The following CA10 variants were observed in gnomAD, a reference collection of about 807,000 sequenced individuals.
The protein encoded by CA10 is carbonic anhydrase-related protein 10.
In CA10, 14 loss-of-function variants were observed where a neutral mutation model predicts 44.2. That is an observed-to-expected ratio of 0.32 (90% CI 0.21 to 0.50). The LOEUF (loss-of-function observed/expected upper bound fraction) is 0.50, where lower values mean the gene tolerates loss of function less well. Ranked by LOEUF, CA10 falls within the 20% of genes least tolerant of loss-of-function variation. The pLI, the probability that CA10 is intolerant of heterozygous loss-of-function variation, is 0.99. For synonymous variants in CA10, 159 were observed against 141.6 expected (o/e 1.12, Z -0.87); for missense variants, 350 against 409.7 (o/e 0.85, Z 1.26).
chr17:51,874,388 T>TAAAAAAAA (rs780808287), intron 3 of CA10, among the ~76,000 whole-genome samples: 1 of 127,458 alleles, frequency 7.8e-6, no homozygotes, highest in Non-Finnish European at 1.7e-5. Context: ...GAGTAATTAT[T>TAAAAAAAA]AAAAAAAAAA....
chr17:51,630,699 C>T lies in CA10; in HGVS notation c.*885G>A, dbSNP rs1242882493. 3.3e-5 allele frequency: 5 copies of T among 152,648 alleles called. No homozygotes were observed. Among genetic ancestry groups the T allele is most frequent in the African/African-American group, 1.2e-4 (5 of 41,558 alleles). The allele number at this position is 152,648 out of a possible 1,614,324, so 9.5% of individuals were successfully genotyped here. A position where few individuals can be genotyped will look rare whatever the true frequency, so the allele number is the denominator to read the frequency against. ...ATGTAGATGAAGGAACAAGTGAAAT[C>T]AAAGAATGCAGTTGCATGGAGCCAG... On this transcript the variant is annotated 3_prime_UTR_variant, in exon 9 of 9. Coordinates refer to ENST00000451037, the MANE Select transcript of CA10 (RefSeq NM_020178.5).
chr17:52,067,634 G>A (rs974925055), intron 2 of CA10, among the ~76,000 whole-genome samples: 1 of 152,208 alleles, frequency 6.6e-6, no homozygotes, highest in African/African-American at 2.4e-5. Flanking sequence ...GCAAAGCTGT[G>A]GACACTCAAT....
At chr17:51,683,007 C>G (rs1040121691) in intron 4 of CA10, among the ~76,000 whole-genome samples, 2 of 152,214 alleles carry the variant, frequency 1.3e-5, no homozygotes, top group African/African-American at 2.4e-5. Context: ...ATCCTACTGT[C>G]TGGGGAAACA....
intron 1 of CA10, among the ~76,000 whole-genome samples, chr17:52,075,767 T>A (rs1021245388): frequency 1.3e-5 from 2 of 152,150 alleles, no homozygotes; most frequent in African/African-American, 4.8e-5. Flanking sequence ...GTGCTATTTA[T>A]AGTACTTACA....
At chr17:51,979,093 G>C (rs144077736) in intron 2 of CA10, among the ~76,000 whole-genome samples, 68 of 152,050 alleles carry the variant, frequency 4.5e-4, no homozygotes, top group African/African-American at 1.5e-3. Flanking sequence ...CCTTCTCTAG[G>C]ACCTATGAGT....
intron 5 of CA10, among the ~76,000 whole-genome samples, chr17:51,653,324 A>G (rs781710511): frequency 6.6e-6 from 1 of 152,166 alleles, no homozygotes; most frequent in East Asian, 1.9e-4. Context: ...CCCTTCTAGT[A>G]TTATATCCTT....
intron 3 of CA10, among the ~76,000 whole-genome samples, chr17:51,767,009 G>A (rs2143648654): frequency 6.6e-6 from 1 of 152,284 alleles, no homozygotes; most frequent in South Asian, 2.1e-4. Flanking sequence ...GAGATCAGTT[G>A]CTATTTAAAA....
chr17:51,820,406 C>T (rs377138990), intron 3 of CA10, among the ~76,000 whole-genome samples: 14 of 6,512 alleles, frequency 2.1e-3, no homozygotes, highest in South Asian at 0.01. Context: ...GATTCCCCTA[C>T]CCCCCCCCCC....
chr17:51,738,725 C>T (rs149258088), intron 4 of CA10, among the ~76,000 whole-genome samples: 30 of 152,292 alleles, frequency 2.0e-4, no homozygotes, highest in East Asian at 1.5e-3. Flanking sequence ...GATGCCCTTG[C>T]GATGGGGCTG....
rs1227830823 is a variant in CA10, at chr17:52,072,441, C to T, written c.62-48G>A. Reference sequence around the variant, plus strand: ...AGATTAAGATGATAGCAGAGAAGCACTGTGTCCCGGCTGTCCGAGTAAGAA... The same window carrying T: ...AGATTAAGATGATAGCAGAGAAGCATTGTGTCCCGGCTGTCCGAGTAAGAA... On this transcript the variant is annotated intron_variant, in intron 1 of 8. Coordinates refer to ENST00000451037, the MANE Select transcript of CA10 (RefSeq NM_020178.5). The T allele has an allele frequency of 2.9e-6, 4 of 1,380,714 alleles. No individual in the cohort carries two copies. In the Admixed American group the frequency reaches 5.1e-5, roughly 17 times the overall value. 85.5% of individuals were successfully genotyped at this position (1,380,714 alleles called of 1,614,324 possible).
intron 3 of CA10, among the ~76,000 whole-genome samples, chr17:51,796,459 AG>A (rs1324834408): frequency 6.6e-6 from 1 of 152,190 alleles, no homozygotes; most frequent in Non-Finnish European, 1.5e-5. Flanking sequence ...CATTGTGCAG[AG>A]AAATCTATAT....
intron 2 of CA10, among the ~76,000 whole-genome samples, chr17:51,980,324 GTCT>G (rs1238331515): frequency 2.0e-5 from 3 of 152,082 alleles, no homozygotes; most frequent in African/African-American, 7.2e-5. Context: ...CTGTATGTGT[GTCT>G]TCTTTTGAAA....
intron 3 of CA10, among the ~76,000 whole-genome samples, chr17:51,846,520 T>C (rs1978500248): frequency 6.6e-6 from 1 of 152,246 alleles, no homozygotes; most frequent in Non-Finnish European, 1.5e-5. Flanking sequence ...AGGTAGCAAC[T>C]GTTATTATCC....
chr17:52,072,566 C>G (rs572025918), intron 1 of CA10, among the ~76,000 whole-genome samples, 173 bp from the exon 2 acceptor site: 14 of 149,006 alleles, frequency 9.4e-5, no homozygotes, highest in Admixed American at 2.0e-4. Flanking sequence ...GATCATTGAT[C>G]GGTAAATATA....
intron 3 of CA10, among the ~76,000 whole-genome samples, chr17:51,820,192 C>A (rs12940110): frequency 2.8e-5 from 3 of 105,308 alleles, no homozygotes; most frequent in Admixed American, 1.9e-4. Context: ...GCCGCCCCCC[C>A]CCCCCCAGGT....
At chr17:51,973,052 T>C (rs1984337865) in intron 2 of CA10, among the ~76,000 whole-genome samples, 1 of 152,188 alleles carries the variant, frequency 6.6e-6, no homozygotes, top group Admixed American at 6.5e-5. Context: ...CAATCTAATT[T>C]AGTATTAAAT....
At chr17:52,100,378 G>T (rs963172498) in intron 1 of CA10, among the ~76,000 whole-genome samples, 1 of 152,052 alleles carries the variant, frequency 6.6e-6, no homozygotes, top group Non-Finnish European at 1.5e-5. Context: ...GTTTCTGTCT[G>T]CCTCAATTTT....
chr17:51,890,908 C>T (rs2143909149), intron 3 of CA10, among the ~76,000 whole-genome samples: 1 of 152,256 alleles, frequency 6.6e-6, no homozygotes, highest in South Asian at 2.1e-4. Context: ...GCTCAGTGCA[C>T]AGCAGACAGC....
chr17:51,679,450 A>G (rs1034344377), intron 4 of CA10, among the ~76,000 whole-genome samples: 2 of 151,530 alleles, frequency 1.3e-5, no homozygotes, highest in Admixed American at 1.3e-4. Context: ...TTTAGTAGAG[A>G]TGGGGTTTCA....
Sources: gnomAD v4.1 joint callset for allele counts (sites outside exome capture counted in the v4.1 genomes callset) on GRCh38, gnomAD v4.1.1 for gene constraint, MANE v1.5 for transcripts, NCBI Gene and HGNC (gene_info 2026-07-23, HGNC 2026-07-21) for gene names.